Variants in BRD1 observed in about 807,000 individuals in gnomAD.
BRD1 encodes the protein bromodomain-containing protein 1.
In BRD1, 24 loss-of-function variants were observed where a neutral mutation model predicts 107.7. That is an observed-to-expected ratio of 0.22 (90% CI 0.16 to 0.31). BRD1 has a LOEUF of 0.31. Ranked by LOEUF, BRD1 falls within the 10% of genes least tolerant of loss-of-function variation. The pLI is 1.00. For synonymous variants in BRD1, 744 were observed against 686.1 expected (o/e 1.08, Z -1.32); for missense variants, 1,279 against 1,638.6 (o/e 0.78, Z 3.79).
intron 2 of BRD1, among the ~76,000 whole-genome samples, chr22:49,818,877 C>A (rs2060007755): frequency 1.3e-5 from 2 of 151,676 alleles, no homozygotes; most frequent in Non-Finnish European, 2.9e-5. Flanking sequence ...CAGAGCAAGA[C>A]TCCGTCTCAA....
intron 1 of BRD1, among the ~76,000 whole-genome samples, 163 bp downstream of exon 1, chr22:49,827,334 G>A (rs921339141): frequency 6.8e-6 from 1 of 147,068 alleles, no homozygotes; most frequent in Non-Finnish European, 1.5e-5. Context: ...CCGGCATCCC[G>A]GGCTCCCGGC....
At chr22:49,793,214 C>T (rs1218917153) in intron 7 of BRD1, among the ~76,000 whole-genome samples, 2 of 152,124 alleles carry the variant, frequency 1.3e-5, no homozygotes, top group East Asian at 3.9e-4. Flanking sequence ...TCTCCAAATC[C>T]GATTTAGTTT....
rs749493364 is a variant in BRD1 at position 49,823,786 on chromosome 22, C to T, written c.532G>A (p.Val178Ile). The change falls in exon 2 of 13, where the codon GTC (valine) becomes ATC (isoleucine). Residue 178 changes from valine to isoleucine, a missense_variant. By Grantham distance (29) the Val-to-Ile change is conservative (BLOSUM62 3). Transcript: ENST00000404760. ...IVNEKRKGDC[V>I]PAVSQSMFEF... is the part of the protein sequence containing the mutation. ...AACATGCTCTGCGACACGGCGGGGACGCAGTCGCCCTTGCGCTTCTCATTG... is the reference window on the plus strand; with the variant it reads ...AACATGCTCTGCGACACGGCGGGGATGCAGTCGCCCTTGCGCTTCTCATTG... The T allele has an allele frequency of 9.3e-6, 15 of 1,614,016 alleles. No individual in the cohort carries two copies. Among genetic ancestry groups the T allele is most frequent in the Admixed American group, 5.0e-5 (3 of 60,016 alleles).
chr22:49,807,293 G>T (rs2059764811), intron 2 of BRD1: 1 of 152,078 alleles, frequency 6.6e-6, no homozygotes, highest in Non-Finnish European at 1.5e-5. Context: ...AAATTCATAT[G>T]GAAACTCAAG....
At chr22:49,791,525 G>A (rs1244875570) in intron 7 of BRD1, among the ~76,000 whole-genome samples, 1 of 152,230 alleles carries the variant, frequency 6.6e-6, no homozygotes, top group Admixed American at 6.5e-5. Context: ...AAATGATGGA[G>A]AGGCTTTACT....
chr22:49,798,436 TA>T lies in BRD1; in HGVS notation c.1785+121del. 6 of 1,496,904 alleles carry T rather than the reference TA, an allele frequency of 4.0e-6. No individual in the cohort carries two copies. The Admixed American group carries it at 5.8e-5, about 14-fold the overall frequency. The allele number at this position is 1,496,904 out of a possible 1,614,324, so 92.7% of individuals were successfully genotyped here. A position where few individuals can be genotyped will look rare whatever the true frequency, so the allele number is the denominator to read the frequency against. On this transcript the variant is annotated intron_variant, in intron 5 of 12. Transcript: ENST00000404760. Reference sequence around the variant, plus strand: ...ATAATTTAAAAACAAATACGTTAAATAAAAACGAGAATTAAGAACACAAGGG... The same window carrying T: ...ATAATTTAAAAACAAATACGTTAAATAAAACGAGAATTAAGAACACAAGGG...
chr22:49,801,182 G>A (rs2059633592), intron 3 of BRD1, among the ~76,000 whole-genome samples: 1 of 152,230 alleles, frequency 6.6e-6, no homozygotes, highest in South Asian at 2.1e-4. Flanking sequence ...CACGGGAGCA[G>A]GAGACAGTGG....
intron 2 of BRD1, among the ~76,000 whole-genome samples, chr22:49,815,007 G>A (rs993640641): frequency 6.6e-6 from 1 of 152,184 alleles, no homozygotes; most frequent in Non-Finnish European, 1.5e-5. Context: ...GAATGACATG[G>A]TTGGGTACCC....
intron 7 of BRD1, among the ~76,000 whole-genome samples, chr22:49,791,337 A>G (rs1457743037): frequency 6.6e-6 from 1 of 152,218 alleles, no homozygotes; most frequent in Non-Finnish European, 1.5e-5. Context: ...TCCTTCAGAC[A>G]CTAAAGTCTC....
chr22:49,775,151 T>C (rs981550617), intron 12 of BRD1: 2 of 153,842 alleles, frequency 1.3e-5, no homozygotes, highest in African/African-American at 2.4e-5. Context: ...CCTCCTGTGA[T>C]GGGGTGGATG....
intron 3 of BRD1, among the ~76,000 whole-genome samples, chr22:49,800,351 T>C (rs1280720168): frequency 1.3e-5 from 2 of 152,122 alleles, no homozygotes; most frequent in Non-Finnish European, 2.9e-5. Context: ...TTTTCCTCAA[T>C]GCTGCTGAAC....
At chr22:49,784,136 G>A (rs373477946) in intron 8 of BRD1, among the ~76,000 whole-genome samples, 14 of 151,766 alleles carry the variant, frequency 9.2e-5, no homozygotes, top group Admixed American at 2.6e-4. Flanking sequence ...CAACGGCAGC[G>A]AGTGGACAAA....
At position 49,794,260 on chromosome 22, in the gene BRD1, G is replaced by C. The variant is rs2059489908; in HGVS notation, c.2133C>G (p.His711Gln). 1 of 1,613,140 alleles carries C rather than the reference G, an allele frequency of 6.2e-7. No individual in the cohort carries two copies. The highest frequency in any genetic ancestry group is 1.3e-5 in the African/African-American group (1 of 74,932). ...CTCTCAGCTGCTCCTCCAGGCCCAG[G>C]TGGGCTCTGTTGGCGGGGTCCAGCA... is the stretch of plus-strand genomic sequence containing the variant. ...DRLLDPANRA[H>Q]LGLEEQLREL... Residue 711 changes from histidine (H) to glutamine (Q), a missense_variant, in exon 7 of 13, where the codon CAC (histidine) becomes CAG (glutamine). His to Gln is a conservative substitution (Grantham distance 24, BLOSUM62 0). Coordinates refer to ENST00000404760, the MANE Select transcript of BRD1 (RefSeq NM_001304808.3).
intron 2 of BRD1, among the ~76,000 whole-genome samples, chr22:49,804,874 A>C (rs2059710695): frequency 6.6e-6 from 1 of 152,038 alleles, no homozygotes; most frequent in South Asian, 2.1e-4. Context: ...AAAAAAAAAG[A>C]TTTCATCCAC....
intron 3 of BRD1, among the ~76,000 whole-genome samples, chr22:49,802,869 C>T (rs1416349644): frequency 3.3e-5 from 5 of 152,202 alleles, no homozygotes; most frequent in Admixed American, 6.5e-5. Context: ...ACGGAAGATG[C>T]GGTTAACTCA....
intron 2 of BRD1, among the ~76,000 whole-genome samples, chr22:49,808,293 G>A (rs1320002673): frequency 6.6e-6 from 1 of 152,204 alleles, no homozygotes; most frequent in African/African-American, 2.4e-5. Context: ...CATGGAGGAA[G>A]GAATGGGTAA....
intron 7 of BRD1, among the ~76,000 whole-genome samples, chr22:49,788,974 C>T (rs1207945170): frequency 6.6e-6 from 1 of 152,216 alleles, no homozygotes; most frequent in African/African-American, 2.4e-5. Flanking sequence ...AACTACACAA[C>T]TTAACAGGAC....
chr22:49,816,045 T>C (rs754403125), intron 2 of BRD1, among the ~76,000 whole-genome samples: 2 of 151,860 alleles, frequency 1.3e-5, no homozygotes, highest in African/African-American at 2.4e-5. Context: ...AGCCAACTCA[T>C]GCACCCACAC....
chr22:49,786,858 C>T (rs1282449513), intron 8 of BRD1, among the ~76,000 whole-genome samples: 1 of 152,162 alleles, frequency 6.6e-6, no homozygotes, highest in African/African-American at 2.4e-5. Flanking sequence ...CACATCTAAT[C>T]CCAACACTTT....
Sources: allele counts gnomAD v4.1 joint callset (sites outside exome capture counted in the v4.1 genomes callset), GRCh38; gene constraint gnomAD v4.1.1; transcripts MANE v1.5; gene names NCBI Gene and HGNC (gene_info 2026-07-23, HGNC 2026-07-21).